Variants in RNF146 observed in about 807,000 individuals in gnomAD.
RNF146 encodes ring finger protein 146, also known as E3 ubiquitin-protein ligase RNF146.
Under a neutral mutation model 29.7 loss-of-function variants are expected in RNF146, and 11 were observed. The observed-to-expected ratio is 0.37, with a 90% CI of 0.23 to 0.61. The LOEUF (loss-of-function observed/expected upper bound fraction) is 0.61. RNF146 is among the 20% of genes least tolerant of loss of function. The probability of loss-of-function intolerance (pLI) is 0.66; values close to 1 mark genes in which losing one functional copy is unlikely to be tolerated. For synonymous variants in RNF146, 150 were observed against 159.7 expected, an observed-to-expected ratio of 0.94 and a Z score of 0.46; for missense variants, 342 against 438.9, an observed-to-expected ratio of 0.78 and a Z score of 1.97.
intron 2 of RNF146, 106 bp downstream of exon 2, chr6:127,280,446 A>C: frequency 7.2e-7 from 1 of 1,386,294 alleles, no homozygotes; most frequent in Admixed American, 2.4e-5. Flanking sequence ...ATTATATTAA[A>C]TGAGCATTTT....
intron 2 of RNF146, among the ~76,000 whole-genome samples, chr6:127,281,759 T>C (rs1287425675): frequency 6.6e-6 from 1 of 151,672 alleles, no homozygotes; most frequent in African/African-American, 2.4e-5. Flanking sequence ...CAATCTTAAT[T>C]GATTTTGATA....
At chr6:127,272,790 T>A (rs1162749269) in intron 1 of RNF146, among the ~76,000 whole-genome samples, 2 of 152,220 alleles carry the variant, frequency 1.3e-5, no homozygotes, top group Non-Finnish European at 2.9e-5. Context: ...ATTGAAAATC[T>A]GAGTATAAGT....
intron 1 of RNF146, among the ~76,000 whole-genome samples, chr6:127,278,069 G>C (rs184740740): frequency 9.1e-4 from 139 of 152,150 alleles, no homozygotes; most frequent in African/African-American, 3.2e-3. Context: ...AAAGAAGATT[G>C]AAGTCTCCTC....
Position 127,287,626 on chromosome 6 carries a change from G to A in RNF146, c.1013G>A (p.Gly338Asp), listed in dbSNP as rs1385453880. 3.7e-6 allele frequency: 6 copies of A among 1,611,882 alleles called. No individual in the cohort carries two copies. The highest frequency in any genetic ancestry group is 5.1e-6 in the Non-Finnish European group (6 of 1,178,674). ...GGAACTGATCGATCAGTAGCAGGGG[G>A]TGGAACAGTGAGTGTCAGTGTCAGA... ...RSGTDRSVAG[G>D]GTVSVSVRSR... The change falls in exon 3 of 3, where the codon GGT (glycine) becomes GAT (aspartate). Residue 338 changes from glycine (G) to aspartate (D), a missense_variant. Transcript: ENST00000368314.
intron 1 of RNF146, among the ~76,000 whole-genome samples, chr6:127,273,992 T>G (rs1777850066): frequency 6.6e-6 from 1 of 152,120 alleles, no homozygotes; most frequent in African/African-American, 2.4e-5. Flanking sequence ...ATAGATACTT[T>G]GCTGTTATTT....
In RNF146 at chr6:127,286,092, T is replaced by C; in HGVS notation, c.3-524T>C. On this transcript the variant is annotated intron_variant, in intron 2 of 2. Transcript: ENST00000368314. The surrounding 1 kb of genome is among the most constrained non-coding windows in gnomAD (Gnocchi z 4.6). ...TGTTATTTTCTCCTTTGGTCTTATA[T>C]GATTGTTACCTTTATGAAGCTTTAG... 1 of 1,229,750 alleles carries C rather than the reference T, an allele frequency of 8.1e-7. No individual in the cohort carries two copies. Among genetic ancestry groups the C allele is most frequent in the Non-Finnish European group, 1.0e-6 (1 of 986,540 alleles). The allele number at this position is 1,229,750 out of a possible 1,614,324, so 76.2% of individuals were successfully genotyped here.
chr6:127,286,859 C>A lies in RNF146; in HGVS notation c.246C>A (p.Phe82Leu). ...GTCGACAAGAAATTCCCGAGGATTT[C>A]CTTGACAAGCCAACCTTGTTGTCAC... ...ALCRQEIPED[F>L]LDKPTLLSPE... is the part of the protein sequence containing the mutation. Residue 82 changes from phenylalanine to leucine, a missense_variant, in exon 3 of 3, where the codon TTC becomes TTA. This residue lies in a region of RNF146 where 27 missense variants were observed against 66.0 expected (regional missense o/e 0.41). Coordinates refer to ENST00000368314, the MANE Select transcript of RNF146 (RefSeq NM_001242850.2). This position sits in a 1 kb window ranked among gnomAD's most constrained non-coding sequence, Gnocchi z 4.6. The A allele has an allele frequency of 1.2e-6, 2 of 1,613,144 alleles. No individual in the cohort carries two copies. Among genetic ancestry groups the A allele is most frequent in the Non-Finnish European group, 1.7e-6 (2 of 1,179,564 alleles).
chr6:127,268,067 T>C (rs1776919090), intron 1 of RNF146, among the ~76,000 whole-genome samples: 1 of 152,230 alleles, frequency 6.6e-6, no homozygotes, highest in African/African-American at 2.4e-5. Context: ...TGAGCACTTA[T>C]TTCTCAAGTT....
chr6:127,266,883 A>C lies in RNF146; in HGVS notation c.-151A>C, dbSNP rs558681084. The C allele has an allele frequency of 6.6e-6, 1 of 151,558 alleles. No homozygotes were observed. Among genetic ancestry groups the C allele is most frequent in the East Asian group, 2.0e-4 (1 of 5,048 alleles). The allele number at this position is 151,558 out of a possible 1,614,324, so 9.4% of individuals were successfully genotyped here. On this transcript the variant is annotated 5_prime_UTR_variant, in exon 1 of 3. Transcript: ENST00000368314. ...CCCGGCAGCTGCGGGCTCCGAGGCC[A>C]GAGAGAAAAGACTGCGAGGTGGCCG...
In RNF146 at chr6:127,287,595, C is replaced by T; in HGVS notation, c.982C>T (p.Arg328Ter). 2.5e-6 allele frequency: 4 copies of T among 1,612,376 alleles called. No homozygotes were observed. The highest frequency in any genetic ancestry group is 3.4e-6 in the Non-Finnish European group (4 of 1,179,226). Residue 328 changes from arginine (R) to a stop codon, truncating the protein, a stop_gained, in exon 3 of 3, where the codon CGA (arginine) becomes TGA (stop). Coordinates refer to ENST00000368314, the MANE Select transcript of RNF146 (RefSeq NM_001242850.2). LOFTEE classifies it high-confidence loss of function. ...ANQTVPDRSD[R>*]SGTDRSVAGG... ...CCAGACAGTACCCGATCGATCAGAT[C>T]GATCGGGAACTGATCGATCAGTAGC... is the stretch of plus-strand genomic sequence containing the variant.
In RNF146 at chr6:127,286,050, G is replaced by T. The variant is rs527655185; in HGVS notation, c.3-566G>T. ...AATCTTTTTTCTTCTTCCTCTTCAG[G>T]GGATCTTCAATATTCATGTTATTTT... On this transcript the variant is annotated intron_variant, in intron 2 of 2. Transcript: ENST00000368314. This position sits in a 1 kb window ranked among gnomAD's most constrained non-coding sequence, Gnocchi z 4.6. The T allele has an allele frequency of 3.6e-4, 446 of 1,227,984 alleles. No individual in the cohort carries two copies. The highest frequency in any genetic ancestry group is 4.2e-4 in the Non-Finnish European group (416 of 985,428). 76.1% of individuals were successfully genotyped at this position (1,227,984 alleles called of 1,614,324 possible).
intron 1 of RNF146, among the ~76,000 whole-genome samples, chr6:127,274,444 G>A (rs1777915049): frequency 7.0e-6 from 1 of 142,276 alleles, no homozygotes; most frequent in Non-Finnish European, 1.6e-5. Context: ...GAATAGAGAG[G>A]AATAAATTAG....
At chr6:127,285,062 G>T (rs535770647) in intron 2 of RNF146, 279 of 340,334 alleles carry the variant, frequency 8.2e-4, no homozygotes, top group Non-Finnish European at 1.1e-3. Flanking sequence ...TCTGGTAAAG[G>T]AATTGATTGG....
At chr6:127,285,175 T>C (rs575806503) in intron 2 of RNF146, 6 of 984,340 alleles carry the variant, frequency 6.1e-6, no homozygotes, top group Non-Finnish European at 7.2e-6. Context: ...GTGCCATCTT[T>C]TTAAAAACTT....
intron 1 of RNF146, among the ~76,000 whole-genome samples, chr6:127,275,066 AGACCAAGGGCAAACTG>A (rs1778016455): frequency 6.6e-6 from 1 of 152,194 alleles, no homozygotes; most frequent in Non-Finnish European, 1.5e-5. Context: ...ACTTGTTGGG[AGACCAAGGGCAAACTG>A]GATAGATGCT....
intron 2 of RNF146, among the ~76,000 whole-genome samples, chr6:127,283,874 C>T (rs1779199443): frequency 6.6e-6 from 1 of 151,786 alleles, no homozygotes; most frequent in African/African-American, 2.4e-5. Context: ...TCACTTCATT[C>T]TGATGATGGA....
Position 127,270,664 on chromosome 6 carries a change from C to T in RNF146, c.-109+3739C>T, listed in dbSNP as rs116905291. Among the ~76,000 whole-genome samples the T allele has an allele frequency of 1.8e-3, 276 of 152,198 alleles. 1 individual carries two copies. Among genetic ancestry groups the T allele is most frequent in the African/African-American group, 6.0e-3 (249 of 41,534 alleles). On this transcript the variant is annotated intron_variant, in intron 1 of 2. Coordinates refer to ENST00000368314, the MANE Select transcript of RNF146 (RefSeq NM_001242850.2). ...TTGACCATTGAACAAAGGTTTGAAC[C>T]GTGTAGTTCCACTTATACAATACTT...
At chr6:127,269,116 T>G (rs1196667145) in intron 1 of RNF146, among the ~76,000 whole-genome samples, 1 of 152,216 alleles carries the variant, frequency 6.6e-6, no homozygotes, top group African/African-American at 2.4e-5. Flanking sequence ...ACAACATCTT[T>G]GTGGATATAG....
chr6:127,286,000 T>C (rs1562291110), intron 2 of RNF146: 2 of 1,205,756 alleles, frequency 1.7e-6, no homozygotes, highest in Non-Finnish European at 2.1e-6. Context: ...TGTCAGTGTT[T>C]AAGCTAGATA....
Sources: gnomAD v4.1 joint callset for allele counts (sites outside exome capture counted in the v4.1 genomes callset) on GRCh38, gnomAD v4.1.1 for gene constraint, gnomAD v4.1.1 regional missense constraint, Gnocchi (gnomAD v3.1) non-coding constraint, MANE v1.5 for transcripts, NCBI Gene and HGNC (gene_info 2026-07-23, HGNC 2026-07-21) for gene names.